WIZ: variants seen among roughly 807,000 people sequenced by gnomAD.
The protein encoded by WIZ is WIZ zinc finger.
In WIZ, 25 loss-of-function variants were observed where a neutral mutation model predicts 140.2. The ratio of observed to expected loss-of-function variants is 0.18; its 90% confidence interval spans 0.13 to 0.25. The LOEUF (loss-of-function observed/expected upper bound fraction) is 0.25. Among genes scored for constraint, WIZ ranks in the 10% least tolerant of loss-of-function variants. The pLI is 1.00. For missense variants in WIZ, 2,231 were observed against 2,632.6 expected (o/e 0.85, Z 3.34); for synonymous variants, 1,125 against 1,154.3 (o/e 0.97, Z 0.51).
rs1334377067 is a variant in WIZ at position 15,439,306 on chromosome 19, A to G, written c.1688T>C (p.Leu563Pro). 5 of 1,535,682 alleles carry G rather than the reference A, an allele frequency of 3.3e-6. No individual in the cohort carries two copies. The highest frequency in any genetic ancestry group is 1.4e-5 in the African/African-American group (1 of 73,156). ...CQQLSIRDFPLSKPLLHGTGQ... is the reference protein window; with the variant it reads ...CQQLSIRDFPPSKPLLHGTGQ... ...CGTGCCATGCAGGAGTGGCTTTGACAGCGGGAAATCTCTGATGCTCAGCTG... is the reference window on the plus strand; with the variant it reads ...CGTGCCATGCAGGAGTGGCTTTGACGGCGGGAAATCTCTGATGCTCAGCTG... Residue 563 changes from leucine (L) to proline (P), a missense_variant, in exon 4 of 13, where the codon CTG (leucine) becomes CCG (proline). This residue lies in a region of WIZ where 475 missense variants were observed against 520.2 expected (regional missense o/e 0.91). Coordinates refer to ENST00000673675, the MANE Select transcript of WIZ (RefSeq NM_001371589.1). The surrounding 1 kb of genome is among the most constrained non-coding windows in gnomAD (Gnocchi z 7.0).
chr19:15,424,354 G>A lies in WIZ; in HGVS notation c.5339C>T (p.Pro1780Leu), dbSNP rs377127823. The change falls in exon 12 of 13, where the codon CCT (proline) becomes CTT (leucine). Residue 1780 changes from proline to leucine, a missense_variant. By Grantham distance (98) the Pro-to-Leu change is moderately conservative (BLOSUM62 -3). This residue lies in a region of WIZ where 299 missense variants were observed against 309.6 expected (regional missense o/e 0.97). Transcript: ENST00000673675. This position sits in a 1 kb window ranked among gnomAD's most constrained non-coding sequence, Gnocchi z 9.7. ...TCCCCGGGCTGCGGAGGCATCTGGA[G>A]GGCGGGCTTGTCGGCGTTCAAATTC... The part of the protein sequence containing the change: ...INKFERRQAR[P>L]PDASAARGGE... 16 of 1,602,634 alleles carry A rather than the reference G, an allele frequency of 1.0e-5. No homozygotes were observed. In the Admixed American group the frequency reaches 2.1e-4, roughly 21 times the overall value.
At chr19:15,423,568 A>T (rs1209832286) in intron 12 of WIZ, among the ~76,000 whole-genome samples, 1 of 152,116 alleles carries the variant, frequency 6.6e-6, no homozygotes, top group Non-Finnish European at 1.5e-5. Context: ...AATCCTACCC[A>T]ACGCACCAAG....
Position 15,440,184 on chromosome 19 carries a change from C to G in WIZ, c.810G>C (p.Ser270=). ...EVATQTWTVN[S]EASVERLQPL... is the part of the protein sequence containing the mutation. ...GCTGCAGCCGCTCCACAGAAGCCTC[C>G]GAGTTCACTGTCCAGGTCTGTGTGG... Residue 270 remains serine, a synonymous_variant, in exon 4 of 13, where the codon TCG becomes TCC. Coordinates refer to ENST00000673675, the MANE Select transcript of WIZ (RefSeq NM_001371589.1). The surrounding 1 kb of genome is among the most constrained non-coding windows in gnomAD (Gnocchi z 6.2). 2 of 1,531,910 alleles carry G rather than the reference C, an allele frequency of 1.3e-6. No individual in the cohort carries two copies. Among genetic ancestry groups the G allele is most frequent in the Non-Finnish European group, 1.7e-6 (2 of 1,145,040 alleles). The allele number at this position is 1,531,910 out of a possible 1,614,324, so 94.9% of individuals were successfully genotyped here.
chr19:15,441,316 G>A (rs1969737615), intron 3 of WIZ, among the ~76,000 whole-genome samples: 1 of 152,168 alleles, frequency 6.6e-6, no homozygotes, highest in Admixed American at 6.5e-5. Context: ...GTGGGGCTGG[G>A]GGAGGCAAGG....
In WIZ at chr19:15,439,260, C is replaced by G. The variant is rs1458205876; in HGVS notation, c.1734G>C (p.Arg578Ser). Residue 578 changes from arginine (R) to serine (S), a missense_variant, in exon 4 of 13, where the codon AGG becomes AGC. This residue lies in a region of WIZ where 475 missense variants were observed against 520.2 expected (regional missense o/e 0.91). Coordinates refer to ENST00000673675, the MANE Select transcript of WIZ (RefSeq NM_001371589.1). This position sits in a 1 kb window ranked among gnomAD's most constrained non-coding sequence, Gnocchi z 7.0. ...ATGCTAGTGTGGAGGGAAAGGCCAGCCTTCCGAGAGGCCTCTGGCCCGTGC... is the reference window on the plus strand; with the variant it reads ...ATGCTAGTGTGGAGGGAAAGGCCAGGCTTCCGAGAGGCCTCTGGCCCGTGC... ...LHGTGQRPLG[R>S]LAFPSTLAST... 3.9e-6 allele frequency: 6 copies of G among 1,534,668 alleles called. No individual in the cohort carries two copies. Among genetic ancestry groups the G allele is most frequent in the Non-Finnish European group, 2.6e-6 (3 of 1,146,144 alleles).
rs768421880 is a variant in WIZ, at chr19:15,424,414, G to A, written c.5315-36C>T. ...GAGGGGGACGGGAGATGAGTGGGAGGGGTGGATGCTGCAGAGACTTGGAAT... is the reference window on the plus strand; with the variant it reads ...GAGGGGGACGGGAGATGAGTGGGAGAGGTGGATGCTGCAGAGACTTGGAAT... On this transcript the variant is annotated intron_variant, in intron 11 of 12. Transcript: ENST00000673675. This position sits in a 1 kb window ranked among gnomAD's most constrained non-coding sequence, Gnocchi z 9.7. 2 of 1,588,692 alleles carry A rather than the reference G, an allele frequency of 1.3e-6. No homozygotes were observed. Among genetic ancestry groups the A allele is most frequent in the Non-Finnish European group, 1.7e-6 (2 of 1,171,700 alleles).
chr19:15,428,303 G>A lies in WIZ; in HGVS notation c.3621C>T (p.Gly1207=), dbSNP rs959968433. Residue 1207 remains glycine, a synonymous_variant, in exon 8 of 13, where the codon GGC becomes GGT. Coordinates refer to ENST00000673675, the MANE Select transcript of WIZ (RefSeq NM_001371589.1). The surrounding 1 kb of genome is among the most constrained non-coding windows in gnomAD (Gnocchi z 6.4). ...GVQIRLPPRR[G]ALAHPGRPPP... is the part of the protein sequence containing the mutation. ...GCGGCCGCCCCGGGTGGGCCAGGGC[G>A]CCGCGCCTGGGTGGGAGGCGGATCT... The A allele has an allele frequency of 1.8e-5, 27 of 1,532,284 alleles. No homozygotes were observed. Among genetic ancestry groups the A allele is most frequent in the Middle Eastern group, 3.7e-4 (2 of 5,378 alleles). The allele number at this position is 1,532,284 out of a possible 1,614,324, so 94.9% of individuals were successfully genotyped here. A position where few individuals can be genotyped will look rare whatever the true frequency, so the allele number is the denominator to read the frequency against.
At position 15,428,035 on chromosome 19, in the gene WIZ, G is replaced by A; in HGVS notation, c.3814+75C>T. The A allele has an allele frequency of 4.0e-6, 6 of 1,508,866 alleles. No individual in the cohort carries two copies. Among genetic ancestry groups the A allele is most frequent in the African/African-American group, 1.4e-5 (1 of 71,668 alleles). The allele number at this position is 1,508,866 out of a possible 1,614,324, so 93.5% of individuals were successfully genotyped here. ...TGTCTACTCCCTGCCCCAGCAGGGA[G>A]GGGGCTGTGACCCCCCCCCCGGGAG... On this transcript the variant is annotated intron_variant, in intron 8 of 12. Transcript: ENST00000673675. This position sits in a 1 kb window ranked among gnomAD's most constrained non-coding sequence, Gnocchi z 6.4.
rs1476529623 is a variant in WIZ at position 15,440,810 on chromosome 19, G to T, written c.279-95C>A. 13 of 1,281,560 alleles carry T rather than the reference G, an allele frequency of 1.0e-5. No homozygotes were observed. Among genetic ancestry groups the T allele is most frequent in the Admixed American group, 2.9e-5 (1 of 34,702 alleles). The allele number at this position is 1,281,560 out of a possible 1,614,324, so 79.4% of individuals were successfully genotyped here. Reference sequence around the variant, plus strand: ...GGTCCTCCCAGGCCGTTTGAAGCAGGCCCCGGAGATCCAGCCCGAGGGTGA... The same window carrying T: ...GGTCCTCCCAGGCCGTTTGAAGCAGTCCCCGGAGATCCAGCCCGAGGGTGA... On this transcript the variant is annotated intron_variant, in intron 3 of 12. Transcript: ENST00000673675. This position sits in a 1 kb window ranked among gnomAD's most constrained non-coding sequence, Gnocchi z 6.2.
In WIZ at chr19:15,430,094, A is replaced by G. The variant is rs1457387051; in HGVS notation, c.2912-5T>C. 2.0e-6 allele frequency: 3 copies of G among 1,515,236 alleles called. No individual in the cohort carries two copies. The highest frequency in any genetic ancestry group is 4.0e-5 in the Admixed American group (2 of 49,782). 93.9% of individuals were successfully genotyped at this position (1,515,236 alleles called of 1,614,324 possible). ...CGCAGGTGGTCAGGCTCTGGGCTGAAGGGCAACACAGAGGCCGGGAGAGCA... is the reference window on the plus strand; with the variant it reads ...CGCAGGTGGTCAGGCTCTGGGCTGAGGGGCAACACAGAGGCCGGGAGAGCA... On this transcript the variant is annotated splice_polypyrimidine_tract_variant and splice_region_variant and intron_variant, in intron 6 of 12. Transcript: ENST00000673675.
chr19:15,432,332 G>A (rs1315431032), intron 5 of WIZ: 6 of 624,866 alleles, frequency 9.6e-6, no homozygotes, highest in African/African-American at 2.0e-5. Context: ...CTGGGGGAGG[G>A]GGGGGTCCCG....
rs370067170 is a variant in WIZ at position 15,427,162 on chromosome 19, G to A, written c.4186C>T (p.Pro1396Ser). The change falls in exon 9 of 13, where the codon CCT (proline) becomes TCT (serine). Residue 1396 changes from proline (P) to serine (S), a missense_variant. Physicochemically the swap from Pro to Ser is moderately conservative, Grantham distance 74. Around this residue, in one of 15 missense-constraint regions of WIZ, gnomAD observed 393 missense variants for 451.7 expected, o/e 0.87. Transcript: ENST00000673675. The surrounding 1 kb of genome is among the most constrained non-coding windows in gnomAD (Gnocchi z 6.4). ...CCTGGGAACATCTTTCGGGCCGTAGGAGGAGGAGAGGCAGTTGGTGAGTGG... is the reference window on the plus strand; with the variant it reads ...CCTGGGAACATCTTTCGGGCCGTAGAAGGAGGAGAGGCAGTTGGTGAGTGG... ...LGHSPTASPP[P>S]TARKMFPGLA... 64 of 1,614,074 alleles carry A rather than the reference G, an allele frequency of 4.0e-5. No homozygotes were observed. Among genetic ancestry groups the A allele is most frequent in the Non-Finnish European group, 4.6e-5 (54 of 1,180,034 alleles).
intron 4 of WIZ, among the ~76,000 whole-genome samples, chr19:15,437,514 G>C (rs1462289220): frequency 6.6e-6 from 1 of 152,124 alleles, no homozygotes; most frequent in Non-Finnish European, 1.5e-5. Context: ...AAATTAGCTG[G>C]GCATAGTGGT....
rs758821835 is a variant in WIZ at position 15,423,113 on chromosome 19, G to A, written c.5633C>T (p.Ala1878Val). ...TGCCGCCGCTGTCTGTGCCTGCGGG[G>A]CCTGGGACTCCTCAGGTGGGGGGTC... is the stretch of plus-strand genomic sequence containing the variant. Reference protein sequence around the residue: ...KADPPPEESQAPQAQTAAAEA... With the variant: ...KADPPPEESQVPQAQTAAAEA... Residue 1878 changes from alanine (A) to valine (V), a missense_variant, in exon 13 of 13, where the codon GCC (alanine) becomes GTC (valine). This residue lies in a region of WIZ where 299 missense variants were observed against 309.6 expected (regional missense o/e 0.97). Transcript: ENST00000673675. 1.2e-6 allele frequency: 2 copies of A among 1,612,284 alleles called. No homozygotes were observed. The highest frequency in any genetic ancestry group is 1.3e-5 in the African/African-American group (1 of 74,870).
intron 2 of WIZ, 150 bp downstream of exon 2, chr19:15,447,953 G>T: frequency 1.1e-6 from 1 of 911,078 alleles, no homozygotes; most frequent in Non-Finnish European, 1.7e-6. Context: ...TGTCAAATAA[G>T]AAACTAAACA....
At chr19:15,438,466 A>G (rs1268205560) in intron 4 of WIZ, 112 bp downstream of exon 4, 34 of 1,258,668 alleles carry the variant, frequency 2.7e-5, no homozygotes, top group Non-Finnish European at 3.5e-5. Flanking sequence ...CAAGTCTCTC[A>G]GGAGCAGAGG....
rs1968601282 is a variant in WIZ, at chr19:15,424,633, T to G, written c.5294A>C (p.His1765Pro). 1 of 1,593,038 alleles carries G rather than the reference T, an allele frequency of 6.3e-7. No individual in the cohort carries two copies. The highest frequency in any genetic ancestry group is 8.5e-7 in the Non-Finnish European group (1 of 1,178,104). ...CTCACTGTTGATGTTCTGCCGCTGGTGCTCCTCAGCCTTCACGGTGCCTGG... is the reference window on the plus strand; with the variant it reads ...CTCACTGTTGATGTTCTGCCGCTGGGGCTCCTCAGCCTTCACGGTGCCTGG... ...SPPGTVKAEEHQRQNINKFER... is the reference protein window; with the variant it reads ...SPPGTVKAEEPQRQNINKFER... The change falls in exon 11 of 13, where the codon CAC becomes CCC. Residue 1765 changes from histidine (H) to proline (P), a missense_variant. Physicochemically the swap from His to Pro is moderately conservative, Grantham distance 77 (BLOSUM62 -2). This residue lies in a region of WIZ where 299 missense variants were observed against 309.6 expected (regional missense o/e 0.97). Transcript: ENST00000673675. This position sits in a 1 kb window ranked among gnomAD's most constrained non-coding sequence, Gnocchi z 9.7.
rs1968362282 is a variant in WIZ at position 15,421,407 on chromosome 19, G to C, written c.*1669C>G. 6.6e-6 allele frequency: 1 copy of C among 152,330 alleles called. No individual in the cohort carries two copies. Among genetic ancestry groups the C allele is most frequent in the Non-Finnish European group, 1.5e-5 (1 of 68,076 alleles). The allele number at this position is 152,330 out of a possible 1,614,324, so 9.4% of individuals were successfully genotyped here. A position where few individuals can be genotyped will look rare whatever the true frequency, so the allele number is the denominator to read the frequency against. Reference sequence around the variant, plus strand: ...ATGGTGGGAGGGCCCAGAAAGCAGGGCTGGGGGTAGAGGTGGCCCCTTCTG... The same window carrying C: ...ATGGTGGGAGGGCCCAGAAAGCAGGCCTGGGGGTAGAGGTGGCCCCTTCTG... On this transcript the variant is annotated 3_prime_UTR_variant, in exon 13 of 13. Coordinates refer to ENST00000673675, the MANE Select transcript of WIZ (RefSeq NM_001371589.1).
At position 15,448,165 on chromosome 19, in the gene WIZ, C is replaced by T. The variant is rs751162738; in HGVS notation, c.143G>A (p.Arg48His). ...EGEGGIFRST[R>H]YLPVTKEGPR... Reference sequence around the variant, plus strand: ...GCCCTCCTTGGTGACAGGCAGGTAACGGGTGGACCGGAAGATGCCACCTTC... The same window carrying T: ...GCCCTCCTTGGTGACAGGCAGGTAATGGGTGGACCGGAAGATGCCACCTTC... The change falls in exon 2 of 13, where the codon CGT becomes CAT. Residue 48 changes from arginine (R) to histidine (H), a missense_variant. Transcript: ENST00000673675. 18 of 1,612,910 alleles carry T rather than the reference C, an allele frequency of 1.1e-5. No homozygotes were observed. The highest frequency in any genetic ancestry group is 2.2e-5 in the East Asian group (1 of 44,860).
Sources: gnomAD v4.1 joint callset for allele counts (sites outside exome capture counted in the v4.1 genomes callset) on GRCh38, gnomAD v4.1.1 for gene constraint, gnomAD v4.1.1 regional missense constraint, Gnocchi (gnomAD v3.1) non-coding constraint, MANE v1.5 for transcripts, NCBI Gene and HGNC (gene_info 2026-07-23, HGNC 2026-07-21) for gene names.